SHROOM3: variants seen among roughly 807,000 people sequenced by gnomAD.
SHROOM3 encodes shroom family member 3, also known as protein Shroom3.
A neutral mutation model predicts 138.6 loss-of-function variants in SHROOM3; 47 were observed. The observed-to-expected ratio is 0.34, with a 90% CI of 0.27 to 0.43. The LOEUF (loss-of-function observed/expected upper bound fraction) is 0.43. Among genes scored for constraint, SHROOM3 ranks in the 20% least tolerant of loss-of-function variants. SHROOM3 has a pLI of 1.00. For synonymous variants in SHROOM3, 1,062 were observed against 1,063.3 expected (o/e 1.00, Z 0.02); for missense variants, 2,491 against 2,596.5 (o/e 0.96, Z 0.88).
At position 76,777,027 on chromosome 4, in the gene SHROOM3, A is replaced by G. The variant is rs142596750; in HGVS notation, c.5623-1782A>G. On this transcript the variant is annotated intron_variant, in intron 10 of 10. Coordinates refer to ENST00000296043, the MANE Select transcript of SHROOM3 (RefSeq NM_020859.4). ...TTGTAGTATAGTTTGAAGTTGGGTA[A>G]CGTGATGCCTCCAGATTTGTTCTTT... Among the ~76,000 whole-genome samples, 630 of 152,224 alleles carry G rather than the reference A, an allele frequency of 4.1e-3. 2 individuals are homozygous for G. Among genetic ancestry groups the G allele is most frequent in the Admixed American group, 0.011 (170 of 15,284 alleles).
At chr4:76,499,664 G>C (rs982516896) in intron 1 of SHROOM3, among the ~76,000 whole-genome samples, 1 of 152,164 alleles carries the variant, frequency 6.6e-6, no homozygotes, top group Non-Finnish European at 1.5e-5. Flanking sequence ...GCCGTGGGAC[G>C]GGCCACTGGG....
At chr4:76,475,592 G>C (rs1176291086) in intron 1 of SHROOM3, among the ~76,000 whole-genome samples, 1 of 152,186 alleles carries the variant, frequency 6.6e-6, no homozygotes, top group Non-Finnish European at 1.5e-5. Context: ...TATATTTATT[G>C]TAAAATAAAA....
intron 2 of SHROOM3, among the ~76,000 whole-genome samples, chr4:76,693,668 A>C (rs1271584456): frequency 6.6e-6 from 1 of 152,058 alleles, no homozygotes; most frequent in African/African-American, 2.4e-5. Flanking sequence ...TACAGGTGTG[A>C]GCCACTGCAC....
intron 1 of SHROOM3, among the ~76,000 whole-genome samples, chr4:76,458,639 A>G (rs1049537570): frequency 1.3e-5 from 2 of 152,136 alleles, no homozygotes; most frequent in South Asian, 4.1e-4. Flanking sequence ...CCCCTTCCCA[A>G]CTACACATAT....
intron 1 of SHROOM3, among the ~76,000 whole-genome samples, chr4:76,464,893 G>A (rs1039052032): frequency 1.1e-4 from 17 of 152,098 alleles, no homozygotes; most frequent in Non-Finnish European, 5.9e-5. Context: ...CTGCAGGACT[G>A]TAAGTCAATT....
Position 76,436,205 on chromosome 4 carries a change from A to AT in SHROOM3, c.155dup (p.Leu52PhefsTer5). 6.2e-7 allele frequency: 1 copy of AT among 1,614,046 alleles called. No individual in the cohort carries two copies. The highest frequency in any genetic ancestry group is 8.5e-7 in the Non-Finnish European group (1 of 1,179,900). ...AGGGTGGCCTGGAGCACGGAGAACCATTAATCATCTCTAAGGTATGTTTCT... is the reference window on the plus strand; with the variant it reads ...AGGGTGGCCTGGAGCACGGAGAACCATTTAATCATCTCTAAGGTATGTTTCT... On this transcript the variant is annotated frameshift_variant, in exon 1 of 11. Coordinates refer to ENST00000296043, the MANE Select transcript of SHROOM3 (RefSeq NM_020859.4). LOFTEE classifies it high-confidence loss of function.
At chr4:76,587,396 TCTA>T (rs1459316594) in intron 2 of SHROOM3, 1 of 152,160 alleles carries the variant, frequency 6.6e-6, no homozygotes, top group Admixed American at 6.5e-5. Context: ...TCTTTATAAA[TCTA>T]AAGAGGTTCT....
chr4:76,701,576 T>G (rs1467962033), intron 2 of SHROOM3, among the ~76,000 whole-genome samples: 1 of 152,250 alleles, frequency 6.6e-6, no homozygotes, highest in East Asian at 1.9e-4. Context: ...TAATCTGGTA[T>G]TAAAGTAATG....
intron 1 of SHROOM3, among the ~76,000 whole-genome samples, chr4:76,554,307 G>A (rs1484134332): frequency 6.6e-6 from 1 of 151,908 alleles, no homozygotes; most frequent in East Asian, 1.9e-4. Flanking sequence ...TTTCAGTGCT[G>A]AATAATATTC....
Position 76,741,448 on chromosome 4 carries a change from G to T in SHROOM3, c.3275G>T (p.Arg1092Leu), listed in dbSNP as rs1249504120. 3.8e-6 allele frequency: 6 copies of T among 1,578,866 alleles called. No individual in the cohort carries two copies. The highest frequency in any genetic ancestry group is 2.3e-5 in the East Asian group (1 of 43,114). Residue 1092 changes from arginine (R) to leucine (L), a missense_variant, in exon 5 of 11, where the codon CGC becomes CTC. This residue lies in a region of SHROOM3 where 1,733 missense variants were observed against 1,661.6 expected (regional missense o/e 1.04). Coordinates refer to ENST00000296043, the MANE Select transcript of SHROOM3 (RefSeq NM_020859.4). The surrounding 1 kb of genome is among the most constrained non-coding windows in gnomAD (Gnocchi z 6.2). ...AGCGCCCTGGCGGACTACATCCAGC[G>T]CAAGACCGGCAAGCGGCCTACCTCC... is the stretch of plus-strand genomic sequence containing the variant. ...QQSALADYIQRKTGKRPTSAA... is the reference protein window; with the variant it reads ...QQSALADYIQLKTGKRPTSAA...
intron 3 of SHROOM3, among the ~76,000 whole-genome samples, chr4:76,715,797 T>G (rs1043139025): frequency 6.6e-6 from 1 of 152,218 alleles, no homozygotes; most frequent in African/African-American, 2.4e-5. Flanking sequence ...GTCCCTGTGC[T>G]GCTGACTTAG....
In SHROOM3 at chr4:76,541,533, G is replaced by T. The variant is rs1376769355; in HGVS notation, c.169-14076G>T. Among the ~76,000 whole-genome samples, 8 of 152,054 alleles carry T rather than the reference G, an allele frequency of 5.3e-5. No individual in the cohort carries two copies. The East Asian group carries it at 1.5e-3, about 29-fold the overall frequency. On this transcript the variant is annotated intron_variant, in intron 1 of 10. Transcript: ENST00000296043. ...GCTGAGTAGAGTTCACTGGGCTGAG[G>T]CATACAATAACGGCAGGGGCTTGGG...
intron 1 of SHROOM3, among the ~76,000 whole-genome samples, chr4:76,449,947 C>T (rs1459339479): frequency 3.3e-5 from 5 of 152,130 alleles, no homozygotes; most frequent in Admixed American, 1.3e-4. Flanking sequence ...GTGTTTTACT[C>T]TTTGTATTAA....
At chr4:76,714,934 G>A (rs1401754362) in intron 3 of SHROOM3, among the ~76,000 whole-genome samples, 1 of 152,130 alleles carries the variant, frequency 6.6e-6, no homozygotes, top group Non-Finnish European at 1.5e-5. Context: ...CTTTTGAGCT[G>A]GCTCTGGTCT....
Position 76,740,189 on chromosome 4 carries a change from G to C in SHROOM3, c.2016G>C (p.Leu672=). Reference sequence around the variant, plus strand: ...CTCTCCAGAACATTCCTGAGAGTCTGAGAAGACACAGCAGCCTGGAGCTAG... The same window carrying C: ...CTCTCCAGAACATTCCTGAGAGTCTCAGAAGACACAGCAGCCTGGAGCTAG... ...FSSLQNIPES[L]RRHSSLELGR... The change falls in exon 5 of 11, where the codon CTG becomes CTC. Residue 672 remains leucine, a synonymous_variant. Transcript: ENST00000296043. This position sits in a 1 kb window ranked among gnomAD's most constrained non-coding sequence, Gnocchi z 4.0. 3.7e-6 allele frequency: 6 copies of C among 1,613,838 alleles called. No individual in the cohort carries two copies. The highest frequency in any genetic ancestry group is 5.1e-6 in the Non-Finnish European group (6 of 1,180,026).
chr4:76,645,424 C>G (rs1256138339), intron 2 of SHROOM3: 1 of 152,182 alleles, frequency 6.6e-6, no homozygotes, highest in Non-Finnish European at 1.5e-5. Context: ...AGCTGTCGAC[C>G]ACCTTGGGTG....
chr4:76,735,856 A>T (rs1160177667), intron 4 of SHROOM3, among the ~76,000 whole-genome samples: 9 of 47,992 alleles, frequency 1.9e-4, no homozygotes, highest in African/African-American at 4.7e-4. Context: ...AAAAAAAAAA[A>T]AAAAAAAAAA....
chr4:76,451,552 G>A (rs1182078446), intron 1 of SHROOM3, among the ~76,000 whole-genome samples: 1 of 152,154 alleles, frequency 6.6e-6, no homozygotes, highest in Non-Finnish European at 1.5e-5. Context: ...GTGCCCTTTT[G>A]ATGCATGAAA....
intron 2 of SHROOM3, among the ~76,000 whole-genome samples, chr4:76,694,357 TTTTG>T (rs1719660555): frequency 1.3e-5 from 1 of 79,732 alleles, no homozygotes. Context: ...AGGCTAGTCT[TTTTG>T]TTTGTTTTTT....
Sources: gnomAD v4.1 joint callset for allele counts (sites outside exome capture counted in the v4.1 genomes callset) on GRCh38, gnomAD v4.1.1 for gene constraint, gnomAD v4.1.1 regional missense constraint, Gnocchi (gnomAD v3.1) non-coding constraint, MANE v1.5 for transcripts, NCBI Gene and HGNC (gene_info 2026-07-23, HGNC 2026-07-21) for gene names.